Variants in DEAF1 observed in about 807,000 individuals in gnomAD.
DEAF1 encodes DEAF1 transcription factor.
Under a neutral mutation model 58.9 loss-of-function variants are expected in DEAF1, and 53 were observed. That is an observed-to-expected ratio of 0.90 (90% confidence interval 0.72 to 1.13). The LOEUF (loss-of-function observed/expected upper bound fraction) is 1.13. Ranked by LOEUF, DEAF1 falls within the 50% of genes most tolerant of loss-of-function variation. The pLI, the probability that DEAF1 is intolerant of heterozygous loss-of-function variation, is 0.00. For missense variants in DEAF1, 685 were observed against 791.4 expected (o/e 0.87, Z 1.61); for synonymous variants, 385 against 340.4 (o/e 1.13, Z -1.44).
rs185851247 is a variant in DEAF1, at chr11:677,727, G to C, written c.1255+967C>G. On this transcript the variant is annotated intron_variant, in intron 9 of 11. Transcript: ENST00000382409. ...CCCAGCACTTTGGGAGGCCAAGGCA[G>C]GTGGATCATGAGGTCAGGAGTTTGA... is the stretch of plus-strand genomic sequence containing the variant. Among the ~76,000 whole-genome samples the C allele has an allele frequency of 4.9e-3, 520 of 106,072 alleles. 98 individuals are homozygous for C. Among genetic ancestry groups the C allele is most frequent in the African/African-American group, 0.014 (495 of 34,820 alleles). The allele number at this position is 106,072 out of a possible 152,430, so 69.6% of individuals were successfully genotyped here.
intron 10 of DEAF1, among the ~76,000 whole-genome samples, chr11:670,724 A>G (rs1859772952): frequency 2.0e-5 from 3 of 146,856 alleles, no homozygotes; most frequent in African/African-American, 7.6e-5. Context: ...AAATATATAT[A>G]TATCTTTTTC....
chr11:653,435 TCG>T (rs1198948991), intron 11 of DEAF1, among the ~76,000 whole-genome samples: 227 of 142,770 alleles, frequency 1.6e-3, no homozygotes, highest in African/African-American at 6.1e-3. Context: ...ACAGTCTCTC[TCG>T]CGTGGCTCTG....
chr11:654,596 C>T (rs912349778), intron 10 of DEAF1: 15 of 454,956 alleles, frequency 3.3e-5, no homozygotes, highest in Admixed American at 9.4e-5. Context: ...CAGTATGGGC[C>T]GGGAGCAGCG....
chr11:675,821 A>AAAAAG (rs922975497), intron 9 of DEAF1, among the ~76,000 whole-genome samples: 9 of 152,014 alleles, frequency 5.9e-5, no homozygotes, highest in East Asian at 1.9e-4. Flanking sequence ...CTCCATCTCA[A>AAAAAG]AAAAGAAAAG....
intron 11 of DEAF1, among the ~76,000 whole-genome samples, chr11:648,689 A>C (rs926622975): frequency 6.6e-6 from 1 of 152,190 alleles, no homozygotes; most frequent in Non-Finnish European, 1.5e-5. Flanking sequence ...TCTGCAGTAC[A>C]CTTTCCCTGC....
At chr11:662,371 C>T (rs1182903466) in intron 10 of DEAF1, among the ~76,000 whole-genome samples, 2 of 152,218 alleles carry the variant, frequency 1.3e-5, no homozygotes, top group Non-Finnish European at 2.9e-5. Flanking sequence ...AGATTGGACA[C>T]CCCGGCATAA....
At chr11:672,560 A>C (rs2133358868) in intron 10 of DEAF1, among the ~76,000 whole-genome samples, 1 of 152,318 alleles carries the variant, frequency 6.6e-6, no homozygotes, top group African/African-American at 2.4e-5. Context: ...ATTAAAAAAT[A>C]AATAGGCCGG....
rs776612009 is a variant in DEAF1 at position 688,490 on chromosome 11, C to T, written c.388-30G>A. 6.2e-6 allele frequency: 10 copies of T among 1,612,760 alleles called. No individual in the cohort carries two copies. Among genetic ancestry groups the T allele is most frequent in the Admixed American group, 5.0e-5 (3 of 59,996 alleles). On this transcript the variant is annotated intron_variant, in intron 2 of 11. Coordinates refer to ENST00000382409, the MANE Select transcript of DEAF1 (RefSeq NM_021008.4). The surrounding 1 kb of genome is among the most constrained non-coding windows in gnomAD (Gnocchi z 4.3). ...AAGGAAAAACCGCTCCGTCAGGTCA[C>T]GTCCGAGAGTGACACCAGGCGTGTC...
intron 1 of DEAF1, chr11:703,573 GT>G: frequency 8.1e-7 from 1 of 1,233,452 alleles, no homozygotes; most frequent in Non-Finnish European, 1.0e-6. Context: ...CCTAATTTGT[GT>G]TCTGAGATCC....
chr11:674,969 C>T (rs546917086), intron 9 of DEAF1, among the ~76,000 whole-genome samples, 186 bp from the exon 10 acceptor site: 4 of 151,946 alleles, frequency 2.6e-5, no homozygotes, highest in African/African-American at 9.7e-5. Flanking sequence ...AGTGAAACCC[C>T]GCGTTTCACT....
chr11:650,713 G>A (rs7938429), intron 11 of DEAF1, among the ~76,000 whole-genome samples: 1 of 151,568 alleles, frequency 6.6e-6, no homozygotes, highest in Non-Finnish European at 1.5e-5. Flanking sequence ...AGCACTTTGG[G>A]AGGCCAAGCG....
rs188141946 is a variant in DEAF1 at position 675,507 on chromosome 11, T to A, written c.1256-724A>T. Among the ~76,000 whole-genome samples, 322 of 152,006 alleles carry A rather than the reference T, an allele frequency of 2.1e-3. 1 individual carries two copies. The highest frequency in any genetic ancestry group is 7.3e-3 in the African/African-American group (304 of 41,444). On this transcript the variant is annotated intron_variant, in intron 9 of 11. Coordinates refer to ENST00000382409, the MANE Select transcript of DEAF1 (RefSeq NM_021008.4). Reference sequence around the variant, plus strand: ...CTGCGCCACCGTCCTTCGGCCTTGGTGACTTAATGAGACCCTGTCTCAAAA... The same window carrying A: ...CTGCGCCACCGTCCTTCGGCCTTGGAGACTTAATGAGACCCTGTCTCAAAA...
intron 1 of DEAF1, among the ~76,000 whole-genome samples, chr11:701,571 C>A (rs1029983243): frequency 6.6e-6 from 1 of 151,998 alleles, no homozygotes; most frequent in African/African-American, 2.4e-5. Flanking sequence ...CCACCACGCC[C>A]GGCTCATTTT....
rs562918026 is a variant in DEAF1, at chr11:676,638, G to A, written c.1256-1855C>T. On this transcript the variant is annotated intron_variant, in intron 9 of 11. Transcript: ENST00000382409. ...GCCTGCCTCAGCCTCCCGAGTAGCT[G>A]GGATTACAGGCATCTGCCACCAGGC... Among the ~76,000 whole-genome samples the A allele has an allele frequency of 2.6e-5, 4 of 152,124 alleles. No individual in the cohort carries two copies. In the East Asian group the frequency reaches 7.8e-4, roughly 30 times the overall value.
rs548600590 is a variant in DEAF1, at chr11:645,156, A to G, written c.1594-502T>C. Reference sequence around the variant, plus strand: ...CCAGCCCGGGTGACAGAACAACTCCATATCAAAAAAAAAAAAAAAAAAAGT... The same window carrying G: ...CCAGCCCGGGTGACAGAACAACTCCGTATCAAAAAAAAAAAAAAAAAAAGT... On this transcript the variant is annotated intron_variant, in intron 11 of 11. Coordinates refer to ENST00000382409, the MANE Select transcript of DEAF1 (RefSeq NM_021008.4). Among the ~76,000 whole-genome samples the G allele has an allele frequency of 2.4e-4, 29 of 120,278 alleles. No individual in the cohort carries two copies. In the South Asian group the frequency reaches 8.7e-3, roughly 36 times the overall value. 78.9% of individuals were successfully genotyped at this position (120,278 alleles called of 152,430 possible).
chr11:704,970 T>C, intron 1 of DEAF1: 1 of 318,596 alleles, frequency 3.1e-6, no homozygotes, highest in East Asian at 8.6e-5. Flanking sequence ...GGCAAGCTCA[T>C]GCATGGAGCA....
intron 10 of DEAF1, among the ~76,000 whole-genome samples, chr11:666,890 A>G (rs955708512): frequency 2.0e-4 from 30 of 150,698 alleles, no homozygotes; most frequent in Admixed American, 3.3e-4. Context: ...AAAAAAAAAA[A>G]AAAAAAAGAA....
intron 10 of DEAF1, among the ~76,000 whole-genome samples, chr11:666,873 CAAAAAAAAAAAA>C (rs532628897): frequency 1.5e-4 from 9 of 60,250 alleles, no homozygotes; most frequent in Non-Finnish European, 2.1e-4. Flanking sequence ...ACTCTGTCTC[CAAAAAAAAAAAA>C]AAAAAAAAAA....
At chr11:700,248 C>T (rs1042267287) in intron 1 of DEAF1, 37 of 1,607,154 alleles carry the variant, frequency 2.3e-5, no homozygotes, top group Admixed American at 1.3e-4. Flanking sequence ...AAGTCAGGGA[C>T]GGGCACAGTG....
Sources: gnomAD v4.1 joint callset for allele counts (sites outside exome capture counted in the v4.1 genomes callset) on GRCh38, gnomAD v4.1.1 for gene constraint, Gnocchi (gnomAD v3.1) non-coding constraint, MANE v1.5 for transcripts, NCBI Gene and HGNC (gene_info 2026-07-23, HGNC 2026-07-21) for gene names.